MAMLD1: variants seen among roughly 807,000 people sequenced by gnomAD.
The protein encoded by MAMLD1 is mastermind like domain containing 1, also known as mastermind-like domain-containing protein 1.
A neutral mutation model predicts 45.0 loss-of-function variants in MAMLD1; 14 were observed. The observed-to-expected ratio is 0.31, with a 90% CI of 0.21 to 0.49. MAMLD1 has a LOEUF of 0.49. Among genes scored for constraint, MAMLD1 ranks in the 20% least tolerant of loss-of-function variants. The pLI is 0.99. For synonymous variants in MAMLD1, 254 were observed against 247.8 expected (o/e 1.02, Z -0.24); for missense variants, 543 against 603.6 (o/e 0.90, Z 1.05).
chrX:150,453,268 G>A (rs1178233348), intron 2 of MAMLD1, among the ~76,000 whole-genome samples: 1 of 111,990 alleles, frequency 8.9e-6, no homozygotes, highest in African/African-American at 3.3e-5. Flanking sequence ...ACACAGTCAC[G>A]CCCAGTCATT....
At chrX:150,439,504 T>C (rs1291816363) in intron 1 of MAMLD1, among the ~76,000 whole-genome samples, 1 of 111,926 alleles carries the variant, frequency 8.9e-6, no homozygotes, top group Non-Finnish European at 1.9e-5. Flanking sequence ...GAATTTTGTA[T>C]ATGATATAAG....
At chrX:150,482,883 G>C (rs911913177) in intron 5 of MAMLD1, among the ~76,000 whole-genome samples, 3 of 112,508 alleles carry the variant, frequency 2.7e-5, no homozygotes, top group Admixed American at 1.9e-4. Flanking sequence ...CTGTAAACAA[G>C]AACGGACATT....
chrX:150,407,993 T>C (rs782302404), intron 1 of MAMLD1, among the ~76,000 whole-genome samples: 41 of 111,689 alleles, frequency 3.7e-4, no homozygotes, highest in Non-Finnish European at 6.8e-4. Flanking sequence ...ATAGGAAACA[T>C]ACAGGCAGAG....
chrX:150,368,266 A>G (rs1477158415), intron 1 of MAMLD1, among the ~76,000 whole-genome samples: 1 of 110,957 alleles, frequency 9.0e-6, no homozygotes. Context: ...CTGGTGTGAG[A>G]TGGTATCTCA....
At chrX:150,375,291 A>G (rs1294123745) in intron 1 of MAMLD1, among the ~76,000 whole-genome samples, 4 of 111,515 alleles carry the variant, frequency 3.6e-5, no homozygotes, top group Non-Finnish European at 7.5e-5. Flanking sequence ...GGCTCCTCAC[A>G]ATAGTGTATT....
At chrX:150,365,575 G>A in intron 1 of MAMLD1, among the ~76,000 whole-genome samples, 1 of 113,335 alleles carries the variant, frequency 8.8e-6, no homozygotes, top group South Asian at 3.5e-4. Flanking sequence ...CGGAGCTCAG[G>A]GCAGCTGTCG....
rs781938024 is a variant in MAMLD1, at chrX:150,487,088, G to GGCTGCT, written c.2040+13305_2040+13310dup. On this transcript the variant is annotated intron_variant, in intron 5 of 7. Coordinates refer to ENST00000370401, the MANE Select transcript of MAMLD1 (RefSeq NM_005491.5). ...TTTGCATTTGTAATAGATTTCCAGG[G>GGCTGCT]GCTGCTGCTGCTGCTGCTGCTGCTA... Among the ~76,000 whole-genome samples, 345 of 111,200 alleles carry GGCTGCT rather than the reference G, an allele frequency of 3.1e-3. 1 individual carries two copies. Among genetic ancestry groups the GGCTGCT allele is most frequent in the African/African-American group, 0.01 (320 of 30,544 alleles).
Position 150,512,221 on chromosome X carries a change from C to G in MAMLD1, c.*262C>G. ...TCACCTCCAGCCCCCAGTGTCCCAT[C>G]CTCTCACACTCAGGCCAGACTCCCC... On this transcript the variant is annotated 3_prime_UTR_variant, in exon 8 of 8. Coordinates refer to ENST00000370401, the MANE Select transcript of MAMLD1 (RefSeq NM_005491.5). 1 of 1,123,831 alleles carries G rather than the reference C, an allele frequency of 8.9e-7. No individual in the cohort carries two copies. Among genetic ancestry groups the G allele is most frequent in the Non-Finnish European group, 1.2e-6 (1 of 854,512 alleles). The allele number at this position is 1,123,831 out of a possible 1,213,427, so 92.6% of individuals were successfully genotyped here. A position where few individuals can be genotyped will look rare whatever the true frequency, so the allele number is the denominator to read the frequency against.
chrX:150,488,317 T>C (rs2037060839), intron 5 of MAMLD1, among the ~76,000 whole-genome samples: 1 of 112,585 alleles, frequency 8.9e-6, no homozygotes, highest in African/African-American at 3.2e-5. Flanking sequence ...GGAGAGCTAA[T>C]CTGGGTCAAC....
intron 1 of MAMLD1, among the ~76,000 whole-genome samples, chrX:150,443,980 A>G (rs978417092): frequency 2.7e-5 from 3 of 112,297 alleles, no homozygotes; most frequent in African/African-American, 6.5e-5. Context: ...CATTTTGGAT[A>G]TTGCATTATA....
intron 1 of MAMLD1, among the ~76,000 whole-genome samples, chrX:150,444,064 C>T (rs192911611): frequency 1.2e-3 from 133 of 111,920 alleles, no homozygotes; most frequent in African/African-American, 4.1e-3. Context: ...AGGCGGGCAC[C>T]ATCTTATTCT....
At chrX:150,447,867 C>CCA (rs2124604885) in intron 2 of MAMLD1, among the ~76,000 whole-genome samples, 1 of 112,168 alleles carries the variant, frequency 8.9e-6, no homozygotes, top group East Asian at 2.8e-4. Context: ...AAGCACGTTT[C>CCA]TTGCACCACT....
At chrX:150,500,627 A>T (rs1305618457) in intron 5 of MAMLD1, among the ~76,000 whole-genome samples, 3 of 111,736 alleles carry the variant, frequency 2.7e-5, no homozygotes, top group African/African-American at 9.8e-5. Context: ...TTGTCAGTCC[A>T]TGAGCTAGTA....
At chrX:150,369,895 A>G (rs1436904845) in intron 1 of MAMLD1, among the ~76,000 whole-genome samples, 1 of 109,003 alleles carries the variant, frequency 9.2e-6, no homozygotes, top group Non-Finnish European at 1.9e-5. Context: ...GCAGCCATGT[A>G]AGAACCTGCT....
chrX:150,475,071 T>G (rs1281331915), intron 5 of MAMLD1, among the ~76,000 whole-genome samples: 1 of 112,497 alleles, frequency 8.9e-6, no homozygotes, highest in Non-Finnish European at 1.9e-5. Flanking sequence ...CAAGTTTTAC[T>G]GATGGCCAAG....
rs148542342 is a variant in MAMLD1 at position 150,425,664 on chromosome X, G to A, written c.-63-19790G>A. Among the ~76,000 whole-genome samples, 400 of 111,364 alleles carry A rather than the reference G, an allele frequency of 3.6e-3. 3 individuals are homozygous for A. Among genetic ancestry groups the A allele is most frequent in the African/African-American group, 0.012 (359 of 30,630 alleles). Reference sequence around the variant, plus strand: ...CAGATCCATTCGGGAGATCATTCCCGAGACCTTACTATGCTCTGAACACTC... The same window carrying A: ...CAGATCCATTCGGGAGATCATTCCCAAGACCTTACTATGCTCTGAACACTC... On this transcript the variant is annotated intron_variant, in intron 1 of 7. Coordinates refer to ENST00000370401, the MANE Select transcript of MAMLD1 (RefSeq NM_005491.5).
intron 2 of MAMLD1, among the ~76,000 whole-genome samples, chrX:150,451,878 C>T (rs782435476): frequency 9.9e-5 from 11 of 111,262 alleles, no homozygotes; most frequent in Admixed American, 2.9e-4. Context: ...TCTCTTGCTC[C>T]GGGCCCCCTC....
chrX:150,474,423 C>T (rs2036522515), intron 5 of MAMLD1, among the ~76,000 whole-genome samples: 1 of 112,565 alleles, frequency 8.9e-6, no homozygotes, highest in Non-Finnish European at 1.9e-5. Context: ...GTTAATACAT[C>T]TAAAGCACTT....
upstream of MAMLD1, among the ~76,000 whole-genome samples, chrX:150,361,899 G>A (rs927822294): frequency 1.8e-5 from 2 of 112,855 alleles, no homozygotes; most frequent in Admixed American, 9.3e-5. Context: ...AACTGCGGAG[G>A]GAGCCAATCC....
Sources: allele counts gnomAD v4.1 joint callset (sites outside exome capture counted in the v4.1 genomes callset), GRCh38; gene constraint gnomAD v4.1.1; transcripts MANE v1.5; gene names NCBI Gene and HGNC (gene_info 2026-07-23, HGNC 2026-07-21).